The following CBFA2T2 variants were observed in gnomAD, a reference collection of about 807,000 sequenced individuals.
CBFA2T2 encodes CBFA2/RUNX1 partner transcriptional co-repressor 2.
Under a neutral mutation model 62.2 loss-of-function variants are expected in CBFA2T2, and 11 were observed. The ratio of observed to expected loss-of-function variants is 0.18; its 90% CI spans 0.11 to 0.29. CBFA2T2 has a LOEUF of 0.29. Ranked by LOEUF, CBFA2T2 falls within the 10% of genes least tolerant of loss-of-function variation. CBFA2T2 has a pLI of 1.00. For missense variants in CBFA2T2, 592 were observed against 774.1 expected (o/e 0.76, Z 2.79); for synonymous variants, 295 against 287.5 (o/e 1.03, Z -0.27).
intron 1 of CBFA2T2, among the ~76,000 whole-genome samples, chr20:33,494,274 T>TATATATA (rs1267232226): frequency 3.8e-4 from 10 of 26,354 alleles, no homozygotes; most frequent in Non-Finnish European, 5.8e-4. Context: ...TATATATATA[T>TATATATA]TTTTTTTTTT....
rs2146876869 is a variant in CBFA2T2, at chr20:33,539,523, G to A, written c.34+49222G>A. 2.6e-5 allele frequency among the ~76,000 whole-genome samples: 4 copies of A among 152,234 alleles called. 1 individual carries two copies. In the Middle Eastern group the frequency reaches 0.014, roughly 518 times the overall value. On this transcript the variant is annotated intron_variant, in intron 1 of 10. Transcript: ENST00000342704. ...GAGTTGATATCTTACTAAACTTAGG[G>A]ACTGGGAGTATATCTTTGGAAAATA...
intron 1 of CBFA2T2, among the ~76,000 whole-genome samples, chr20:33,492,963 T>C (rs1409021445): frequency 2.0e-5 from 3 of 151,842 alleles, no homozygotes; most frequent in Non-Finnish European, 4.4e-5. Flanking sequence ...GGTTTAACCA[T>C]GTTTTGGCTG....
intron 8 of CBFA2T2, among the ~76,000 whole-genome samples, chr20:33,634,474 C>T (rs758121048): frequency 1.1e-4 from 16 of 151,892 alleles, no homozygotes; most frequent in Non-Finnish European, 1.9e-4. Context: ...GAGTTCAAGA[C>T]CAGCCTGGGC....
chr20:33,624,794 A>T lies in CBFA2T2; in HGVS notation c.723A>T (p.Thr241=), dbSNP rs140122627. 7.2e-5 allele frequency: 116 copies of T among 1,614,050 alleles called. 2 individuals carry two copies. The highest frequency in any genetic ancestry group is 5.7e-4 in the South Asian group (52 of 91,086). Residue 241 remains threonine, a synonymous_variant, in exon 6 of 11, where the codon ACA becomes ACT. Coordinates refer to ENST00000342704, the MANE Select transcript of CBFA2T2 (RefSeq NM_001032999.3). ...RREENSFDRD[T]IAPEPPAKRV... ...AAGAGAATAGTTTTGATAGAGACAC[A>T]ATTGCTCCTGAGCCTCCTGCCAAGA... is the stretch of plus-strand genomic sequence containing the variant.
intron 1 of CBFA2T2, among the ~76,000 whole-genome samples, chr20:33,525,218 T>C (rs2011854052): frequency 1.3e-5 from 2 of 149,994 alleles, no homozygotes; most frequent in South Asian, 4.2e-4. Context: ...AGAGTTTGGC[T>C]CTTGTTGCCC....
At position 33,557,787 on chromosome 20, in the gene CBFA2T2, G is replaced by A. The variant is rs553303651; in HGVS notation, c.35-49169G>A. Among the ~76,000 whole-genome samples the A allele has an allele frequency of 2.6e-5, 4 of 151,886 alleles. No individual in the cohort carries two copies. In the East Asian group the frequency reaches 5.8e-4, roughly 22 times the overall value. On this transcript the variant is annotated intron_variant, in intron 1 of 10. Transcript: ENST00000342704. Reference sequence around the variant, plus strand: ...CTCTCAAAGTGTTGGGATTACAGGCGTGAACCACTGTGCCCAGCCACATTT... The same window carrying A: ...CTCTCAAAGTGTTGGGATTACAGGCATGAACCACTGTGCCCAGCCACATTT...
chr20:33,549,552 AG>A (rs969019945), intron 1 of CBFA2T2, among the ~76,000 whole-genome samples: 4 of 152,192 alleles, frequency 2.6e-5, no homozygotes, highest in Non-Finnish European at 5.9e-5. Context: ...GCGAATTTAT[AG>A]GGACAGTGAA....
chr20:33,569,573 T>G (rs1265614117), intron 1 of CBFA2T2, among the ~76,000 whole-genome samples: 1 of 152,182 alleles, frequency 6.6e-6, no homozygotes, highest in Non-Finnish European at 1.5e-5. Context: ...CCTGATGAAT[T>G]GTATTGTGAC....
intron 5 of CBFA2T2, 52 bp from the exon 6 acceptor site, chr20:33,624,712 T>G: frequency 6.3e-7 from 1 of 1,593,906 alleles, no homozygotes; most frequent in African/African-American, 1.3e-5. Flanking sequence ...AGGAAATGTC[T>G]GCATGAACAC....
At chr20:33,616,006 T>C (rs1033696896) in intron 3 of CBFA2T2, among the ~76,000 whole-genome samples, 2 of 151,586 alleles carry the variant, frequency 1.3e-5, no homozygotes. Flanking sequence ...AGCCCAGGAG[T>C]TCGAGGCTGC....
intron 1 of CBFA2T2, among the ~76,000 whole-genome samples, chr20:33,493,421 G>A (rs1341501446): frequency 6.6e-6 from 1 of 152,158 alleles, no homozygotes; most frequent in Non-Finnish European, 1.5e-5. Flanking sequence ...GAATATAGGA[G>A]TTCAGTCTTA....
chr20:33,632,694 G>A (rs867625502), intron 8 of CBFA2T2, among the ~76,000 whole-genome samples: 6 of 150,688 alleles, frequency 4.0e-5, no homozygotes, highest in Admixed American at 2.0e-4. Context: ...TGATCCACCC[G>A]CCTCGTCCTC....
intron 1 of CBFA2T2, among the ~76,000 whole-genome samples, chr20:33,569,900 A>G (rs1402849293): frequency 6.6e-6 from 1 of 152,104 alleles, no homozygotes; most frequent in Non-Finnish European, 1.5e-5. Context: ...TTGGAGTTTA[A>G]AAAGGTACTA....
intron 1 of CBFA2T2, among the ~76,000 whole-genome samples, chr20:33,605,488 A>G (rs1216297047): frequency 1.3e-5 from 2 of 152,220 alleles, no homozygotes; most frequent in Non-Finnish European, 2.9e-5. Context: ...GGGAAAAATA[A>G]CTTGTTAGAT....
chr20:33,562,473 A>C lies in CBFA2T2; in HGVS notation c.35-44483A>C, dbSNP rs1013636602. 1.3e-5 allele frequency: 13 copies of C among 985,774 alleles called. No homozygotes were observed. The African/African-American group carries it at 2.3e-4, about 17-fold the overall frequency. The allele number at this position is 985,774 out of a possible 1,614,324, so 61.1% of individuals were successfully genotyped here. A position where few individuals can be genotyped will look rare whatever the true frequency, so the allele number is the denominator to read the frequency against. On this transcript the variant is annotated intron_variant, in intron 1 of 10. Coordinates refer to ENST00000342704, the MANE Select transcript of CBFA2T2 (RefSeq NM_001032999.3). ...CTGGGATCCATCTGTGTTTCCCTGG[A>C]ATGGGACAGGCAGCTCTAGTCAGTG...
intron 1 of CBFA2T2, among the ~76,000 whole-genome samples, chr20:33,539,864 TA>T (rs1201624718): frequency 4.6e-5 from 7 of 151,712 alleles, no homozygotes; most frequent in African/African-American, 9.7e-5. Flanking sequence ...TTTTTTTTTT[TA>T]ATTTTTATTT....
chr20:33,524,327 TTC>T (rs1487233358), intron 1 of CBFA2T2, among the ~76,000 whole-genome samples: 2 of 152,274 alleles, frequency 1.3e-5, no homozygotes, highest in African/African-American at 4.8e-5. Context: ...CAGTCTTTTG[TTC>T]TCTTTTTCAT....
chr20:33,626,179 G>T (rs1349704224), intron 6 of CBFA2T2, among the ~76,000 whole-genome samples: 8 of 152,160 alleles, frequency 5.3e-5, no homozygotes, highest in Admixed American at 4.6e-4. Flanking sequence ...GGTCAAGACT[G>T]CAATGAGCCA....
At chr20:33,628,541 T>C in intron 7 of CBFA2T2, 106 bp downstream of exon 7, 1 of 749,704 alleles carries the variant, frequency 1.3e-6, no homozygotes, top group Non-Finnish European at 2.3e-6. Context: ...TGATCTCAGT[T>C]CACTGCAACT....
Sources: allele counts gnomAD v4.1 joint callset (sites outside exome capture counted in the v4.1 genomes callset), GRCh38; gene constraint gnomAD v4.1.1; transcripts MANE v1.5; gene names NCBI Gene and HGNC (gene_info 2026-07-23, HGNC 2026-07-21).